The following RAB40C variants were observed in gnomAD, a reference collection of about 807,000 sequenced individuals.
RAB40C encodes the protein RAB40C, member RAS oncogene family.
In RAB40C, 8 loss-of-function variants were observed where a neutral mutation model predicts 28.1. That is an observed-to-expected ratio of 0.28 (90% confidence interval 0.17 to 0.51). The LOEUF is 0.51. Among genes scored for constraint, RAB40C ranks in the 20% least tolerant of loss-of-function variants. RAB40C has a pLI of 0.97. For missense variants in RAB40C, 288 were observed against 405.9 expected (o/e 0.71, Z 2.50); for synonymous variants, 201 against 171.7 (o/e 1.17, Z -1.34).
rs1461848085 is a variant in RAB40C at position 627,330 on chromosome 16, T to C, written c.566-12T>C. The C allele has an allele frequency of 6.2e-7, 1 of 1,607,196 alleles. No homozygotes were observed. Among genetic ancestry groups the C allele is most frequent in the South Asian group, 1.1e-5 (1 of 90,352 alleles). ...CACAGCCCCATGGTCTGACACCCCC[T>C]CTGCCCCACAGTGTTCAGCCTGCAG... On this transcript the variant is annotated splice_polypyrimidine_tract_variant and intron_variant, in intron 5 of 5. Transcript: ENST00000248139.
At chr16:626,244 G>A in intron 5 of RAB40C, 123 bp downstream of exon 5, 3 of 979,732 alleles carry the variant, frequency 3.1e-6, no homozygotes, top group Non-Finnish European at 4.6e-6. Flanking sequence ...GCAACGCGCA[G>A]TAGGGGCTCG....
At chr16:620,470 C>A (rs115589519) in intron 3 of RAB40C, among the ~76,000 whole-genome samples, 1,688 of 152,282 alleles carry the variant, frequency 0.011, 30 homozygotes, top group African/African-American at 0.038. Flanking sequence ...TTAAGTATTT[C>A]GTGATTTTTC....
chr16:590,279 A>C lies in RAB40C; in HGVS notation c.-13A>C, dbSNP rs770337836. ...TCGGCAGGCGGCCGGCGCGGGGCGCAGGCGGCGCGGCCATGGGCTCGCAGG... is the reference window on the plus strand; with the variant it reads ...TCGGCAGGCGGCCGGCGCGGGGCGCCGGCGGCGCGGCCATGGGCTCGCAGG... On this transcript the variant is annotated 5_prime_UTR_variant, in exon 1 of 6. Coordinates refer to ENST00000248139, the MANE Select transcript of RAB40C (RefSeq NM_021168.5). 3 of 1,492,258 alleles carry C rather than the reference A, an allele frequency of 2.0e-6. No homozygotes were observed. In the East Asian group the frequency reaches 8.6e-5, roughly 43 times the overall value. 92.4% of individuals were successfully genotyped at this position (1,492,258 alleles called of 1,614,324 possible). A position where few individuals can be genotyped will look rare whatever the true frequency, so the allele number is the denominator to read the frequency against.
At chr16:617,965 A>G (rs974427024) in intron 2 of RAB40C, among the ~76,000 whole-genome samples, 1 of 151,996 alleles carries the variant, frequency 6.6e-6, no homozygotes, top group Non-Finnish European at 1.5e-5. Flanking sequence ...TCATGTGAGG[A>G]GCTTGCTCAC....
chr16:597,707 T>C (rs902681592), intron 1 of RAB40C, among the ~76,000 whole-genome samples: 29 of 151,700 alleles, frequency 1.9e-4, no homozygotes, highest in Non-Finnish European at 3.8e-4. Flanking sequence ...CAGGCTGGTC[T>C]TGAACTTCTG....
At chr16:625,013 A>G (rs1368256967) in intron 3 of RAB40C, 2 of 1,290,596 alleles carry the variant, frequency 1.5e-6, no homozygotes, top group South Asian at 2.5e-5. Context: ...TTAGGTTGGA[A>G]AACTCAGAAA....
chr16:620,933 C>CAGAAAG (rs1447374495), intron 3 of RAB40C, among the ~76,000 whole-genome samples: 17 of 152,198 alleles, frequency 1.1e-4, no homozygotes, highest in African/African-American at 3.9e-4. Flanking sequence ...TGCATGAGAA[C>CAGAAAG]TAAAAAAGAA....
rs368899026 is a variant in RAB40C, at chr16:610,171, G to A, written c.143-7037G>A. On this transcript the variant is annotated intron_variant, in intron 1 of 5. Transcript: ENST00000248139. This position sits in a 1 kb window ranked among gnomAD's most constrained non-coding sequence, Gnocchi z 4.6. ...AGACAGAACCAGCAGCCGAGGCGCC[G>A]GTGGCTTTGCTCTGGTGGCAGGACA... Among the ~76,000 whole-genome samples, 155 of 152,254 alleles carry A rather than the reference G, an allele frequency of 1.0e-3. No homozygotes were observed. The highest frequency in any genetic ancestry group is 1.6e-3 in the Non-Finnish European group (108 of 68,006).
intron 1 of RAB40C, among the ~76,000 whole-genome samples, chr16:603,665 A>G (rs924084091): frequency 6.6e-6 from 1 of 152,176 alleles, no homozygotes; most frequent in African/African-American, 2.4e-5. Context: ...CTTTGCATGT[A>G]CAGTTCTATG....
In RAB40C at chr16:627,502, C is replaced by T; in HGVS notation, c.726C>T (p.Ser242=). The T allele has an allele frequency of 1.2e-6, 2 of 1,613,886 alleles. No individual in the cohort carries two copies. The highest frequency in any genetic ancestry group is 1.7e-6 in the Non-Finnish European group (2 of 1,180,010). The change falls in exon 6 of 6, where the codon TCC becomes TCT. Residue 242 remains serine (S), a synonymous_variant. Coordinates refer to ENST00000248139, the MANE Select transcript of RAB40C (RefSeq NM_021168.5). ...NAVMMHGRSY[S]LASGAGGGGS... is the part of the protein sequence containing the mutation. ...TCATGATGCACGGCCGTTCCTACTC[C>T]CTGGCCAGCGGGGCCGGGGGCGGCG...
chr16:595,213 G>A (rs1356682980), intron 1 of RAB40C, among the ~76,000 whole-genome samples: 1 of 152,246 alleles, frequency 6.6e-6, no homozygotes, highest in African/African-American at 2.4e-5. Context: ...TGTGATGAGT[G>A]TTGCCTGCCA....
chr16:604,089 T>G (rs1207927528), intron 1 of RAB40C, among the ~76,000 whole-genome samples: 2 of 150,910 alleles, frequency 1.3e-5, no homozygotes, highest in Non-Finnish European at 2.9e-5. Context: ...ACTCTCGTTC[T>G]GTTGCCCCAG....
intron 1 of RAB40C, among the ~76,000 whole-genome samples, chr16:615,299 G>A (rs2036564507): frequency 6.6e-6 from 1 of 152,226 alleles, no homozygotes; most frequent in African/African-American, 2.4e-5. Flanking sequence ...GCCTGAAGAA[G>A]GGCACCGTAG....
intron 1 of RAB40C, among the ~76,000 whole-genome samples, chr16:605,856 C>T (rs950084667): frequency 1.3e-5 from 2 of 151,988 alleles, no homozygotes; most frequent in Admixed American, 6.6e-5. Context: ...CCAACCCGTT[C>T]TCCAAAGCAG....
intron 1 of RAB40C, among the ~76,000 whole-genome samples, chr16:597,464 A>G (rs2036151652): frequency 6.6e-6 from 1 of 150,508 alleles, no homozygotes; most frequent in African/African-American, 2.4e-5. Flanking sequence ...AGGGACAGCC[A>G]TCTAGCATCT....
At position 627,820 on chromosome 16, in the gene RAB40C, G is replaced by A. The variant is rs1161374215; in HGVS notation, c.*198G>A. ...CGCGGCAGGCGGGAGGAGGGGGCGCGGCTGGGCTGCTGGTGCTTCCGGGAA... is the reference window on the plus strand; with the variant it reads ...CGCGGCAGGCGGGAGGAGGGGGCGCAGCTGGGCTGCTGGTGCTTCCGGGAA... On this transcript the variant is annotated 3_prime_UTR_variant, in exon 6 of 6. Transcript: ENST00000248139. 7.0e-6 allele frequency: 4 copies of A among 570,542 alleles called. No homozygotes were observed. The highest frequency in any genetic ancestry group is 4.4e-5 in the South Asian group (1 of 22,920). 35.3% of individuals were successfully genotyped at this position (570,542 alleles called of 1,614,324 possible).
intron 3 of RAB40C, chr16:624,629 G>C: frequency 6.1e-6 from 6 of 985,434 alleles, no homozygotes; most frequent in Non-Finnish European, 7.2e-6. Context: ...TGTGTGATAG[G>C]CTCTTCCATT....
At position 626,081 on chromosome 16, in the gene RAB40C, C is replaced by A. The variant is rs376751567; in HGVS notation, c.525C>A (p.Leu175=). ...ESFTELSRIV[L]MRHGMEKIWR... ...TCACGGAGCTATCCCGCATCGTGCT[C>A]ATGCGGCACGGCATGGAGAAGATCT... Residue 175 remains leucine (L), a synonymous_variant, in exon 5 of 6, where the codon CTC becomes CTA. Transcript: ENST00000248139. The A allele has an allele frequency of 1.2e-6, 2 of 1,613,158 alleles. No homozygotes were observed. Among genetic ancestry groups the A allele is most frequent in the South Asian group, 1.1e-5 (1 of 91,090 alleles).
At chr16:627,305 C>T in intron 5 of RAB40C, 37 bp from the exon 6 acceptor site, 3 of 1,587,736 alleles carry the variant, frequency 1.9e-6, no homozygotes, top group East Asian at 2.2e-5. Context: ...CCTCCTCCCC[C>T]ACAGCCCCAT....
Sources: gnomAD v4.1 joint callset for allele counts (sites outside exome capture counted in the v4.1 genomes callset) on GRCh38, gnomAD v4.1.1 for gene constraint, Gnocchi (gnomAD v3.1) non-coding constraint, MANE v1.5 for transcripts, NCBI Gene and HGNC (gene_info 2026-07-23, HGNC 2026-07-21) for gene names.